The following AUTS2 variants were observed in gnomAD, a reference collection of about 807,000 sequenced individuals.
The protein encoded by AUTS2 is autism susceptibility gene 2 protein.
In AUTS2, 17 loss-of-function variants were observed where a neutral mutation model predicts 112.4. That is an observed-to-expected ratio of 0.15 (90% CI 0.10 to 0.23). The LOEUF (loss-of-function observed/expected upper bound fraction) is 0.23. Ranked by LOEUF, AUTS2 falls within the 10% of genes least tolerant of loss-of-function variation. AUTS2 has a pLI of 1.00. For synonymous variants in AUTS2, 751 were observed against 702.7 expected (o/e 1.07, Z -1.09); for missense variants, 1,510 against 1,701.6 (o/e 0.89, Z 1.98).
chr7:70,693,564 G>T (rs1808871010), intron 5 of AUTS2, among the ~76,000 whole-genome samples: 1 of 152,220 alleles, frequency 6.6e-6, no homozygotes, highest in Admixed American at 6.5e-5. Flanking sequence ...AGACCTTTGT[G>T]TCTGAGACCC....
intron 5 of AUTS2, among the ~76,000 whole-genome samples, chr7:70,696,693 A>G (rs536887182): frequency 4.6e-5 from 7 of 152,120 alleles, no homozygotes; most frequent in Admixed American, 3.3e-4. Flanking sequence ...ACACACACAC[A>G]CACTAAGTGC....
intron 6 of AUTS2, among the ~76,000 whole-genome samples, chr7:70,725,045 A>G (rs146375087): frequency 6.6e-6 from 1 of 152,338 alleles, no homozygotes; most frequent in Non-Finnish European, 1.5e-5. Context: ...ATGAAGAACT[A>G]TGGTACATTT....
intron 1 of AUTS2, among the ~76,000 whole-genome samples, chr7:69,754,919 A>G (rs996186090): frequency 2.0e-5 from 3 of 152,220 alleles, no homozygotes; most frequent in African/African-American, 7.2e-5. Flanking sequence ...TTCTGTTCGC[A>G]TTACACCACA....
At chr7:70,701,259 G>T (rs1809441450) in intron 6 of AUTS2, among the ~76,000 whole-genome samples, 3 of 152,230 alleles carry the variant, frequency 2.0e-5, no homozygotes, top group Non-Finnish European at 1.5e-5. Context: ...GGTTGGGGGG[G>T]CGCAGCCCTG....
chr7:70,579,339 C>T (rs1802332222), intron 5 of AUTS2, among the ~76,000 whole-genome samples: 1 of 149,114 alleles, frequency 6.7e-6, no homozygotes, highest in South Asian at 2.2e-4. Context: ...AGAAGTGTCA[C>T]TTTAACAGAC....
chr7:70,690,383 CT>C (rs1423392041), intron 5 of AUTS2, among the ~76,000 whole-genome samples: 1 of 152,186 alleles, frequency 6.6e-6, no homozygotes, highest in African/African-American at 2.4e-5. Context: ...ACCTAGTGAT[CT>C]TTTAAAACTA....
chr7:70,660,862 G>A (rs970678534), intron 5 of AUTS2, among the ~76,000 whole-genome samples: 3 of 152,124 alleles, frequency 2.0e-5, no homozygotes, highest in Non-Finnish European at 4.4e-5. Context: ...GGGACCTAAC[G>A]TGCATACTAA....
chr7:70,704,944 C>G (rs1809657430), intron 6 of AUTS2, among the ~76,000 whole-genome samples: 3 of 152,186 alleles, frequency 2.0e-5, no homozygotes, highest in Admixed American at 2.0e-4. Flanking sequence ...AGTTAAGCGC[C>G]TACAGATGTC....
chr7:70,753,117 C>T (rs2129555641), intron 6 of AUTS2, among the ~76,000 whole-genome samples: 2 of 152,142 alleles, frequency 1.3e-5, no homozygotes, highest in South Asian at 4.2e-4. Context: ...TTCCTTTAAT[C>T]CCTAGCAGAT....
At position 69,730,568 on chromosome 7, in the gene AUTS2, C is replaced by G. The variant is rs189616122; in HGVS notation, c.309+130606C>G. 2.0e-5 allele frequency among the ~76,000 whole-genome samples: 3 copies of G among 152,340 alleles called. No individual in the cohort carries two copies. In the East Asian group the frequency reaches 5.8e-4, roughly 29 times the overall value. ...ATAGAAACAGCCAGTACTCCAATCTCAGCTTCCTGTAATGTCTACAAGTCA... is the reference window on the plus strand; with the variant it reads ...ATAGAAACAGCCAGTACTCCAATCTGAGCTTCCTGTAATGTCTACAAGTCA... On this transcript the variant is annotated intron_variant, in intron 1 of 18. Transcript: ENST00000342771.
intron 5 of AUTS2, among the ~76,000 whole-genome samples, chr7:70,455,240 C>T (rs543815691): frequency 1.4e-4 from 21 of 152,234 alleles, no homozygotes; most frequent in African/African-American, 4.8e-4. Context: ...ATTCCCAAAC[C>T]CTGGGGTGGG....
intron 2 of AUTS2, among the ~76,000 whole-genome samples, chr7:69,924,345 T>G (rs1398253021): frequency 6.6e-6 from 1 of 152,120 alleles, no homozygotes; most frequent in African/African-American, 2.4e-5. Flanking sequence ...TAAAAATGTT[T>G]TAAAGAATTT....
intron 6 of AUTS2, among the ~76,000 whole-genome samples, chr7:70,714,399 T>C (rs778827060): frequency 1.3e-4 from 20 of 152,212 alleles, no homozygotes; most frequent in Non-Finnish European, 2.4e-4. Flanking sequence ...CTACATACTT[T>C]AGTGCACATC....
chr7:69,742,209 C>T (rs2129249087), intron 1 of AUTS2, among the ~76,000 whole-genome samples: 1 of 149,200 alleles, frequency 6.7e-6, no homozygotes. Context: ...TCTTGTGTCT[C>T]AGACCTTCCT....
chr7:70,080,867 A>G (rs1803269170), intron 2 of AUTS2, among the ~76,000 whole-genome samples: 1 of 152,178 alleles, frequency 6.6e-6, no homozygotes, highest in African/African-American at 2.4e-5. Flanking sequence ...TGAAATCTTA[A>G]AGCCTGCCTA....
In AUTS2 at chr7:70,043,889, G is replaced by A. The variant is rs370468097; in HGVS notation, c.523-74243G>A. 3.7e-4 allele frequency among the ~76,000 whole-genome samples: 56 copies of A among 151,934 alleles called. No homozygotes were observed. In the East Asian group the frequency reaches 5.4e-3, roughly 15 times the overall value. ...CTCCCAAAGTGCTGGGATTACAGGC[G>A]TGAGCCACTGGGCCCGGCCTCCCCT... On this transcript the variant is annotated intron_variant, in intron 2 of 18. Coordinates refer to ENST00000342771, the MANE Select transcript of AUTS2 (RefSeq NM_015570.4).
At chr7:70,061,204 T>C (rs1802230124) in intron 2 of AUTS2, among the ~76,000 whole-genome samples, 1 of 152,126 alleles carries the variant, frequency 6.6e-6, no homozygotes, top group Non-Finnish European at 1.5e-5. Context: ...ATGTGCGAAA[T>C]GGAGACAGTA....
intron 5 of AUTS2, among the ~76,000 whole-genome samples, chr7:70,470,693 G>A (rs1268534873): frequency 2.0e-5 from 3 of 152,038 alleles, no homozygotes; most frequent in African/African-American, 7.2e-5. Context: ...GGTGGAGGCG[G>A]GGAGACAATC....
intron 4 of AUTS2, among the ~76,000 whole-genome samples, chr7:70,342,633 T>C (rs948652764): frequency 6.6e-6 from 1 of 151,952 alleles, no homozygotes; most frequent in South Asian, 2.1e-4. Flanking sequence ...TTTTAATGAG[T>C]TTAAATTTAA....
Sources: allele counts gnomAD v4.1 joint callset (sites outside exome capture counted in the v4.1 genomes callset), GRCh38; gene constraint gnomAD v4.1.1; transcripts MANE v1.5; gene names NCBI Gene and HGNC (gene_info 2026-07-23, HGNC 2026-07-21).